Variants in DLGAP2 observed in about 807,000 individuals in gnomAD.
DLGAP2 encodes DLG associated protein 2.
DLGAP2 carries 26 observed loss-of-function variants against 100.3 expected under a neutral mutation model. The ratio of observed to expected loss-of-function variants is 0.26; its 90% CI spans 0.19 to 0.36. The LOEUF is 0.36. Ranked by LOEUF, DLGAP2 falls within the 10% of genes least tolerant of loss-of-function variation. The pLI is 1.00. For synonymous variants in DLGAP2, 886 were observed against 630.1 expected (o/e 1.41, Z -6.08); for missense variants, 1,858 against 1,453.2 (o/e 1.28, Z -4.53).
chr8:901,818 G>A (rs1798257572), intron 1 of DLGAP2, among the ~76,000 whole-genome samples: 1 of 152,234 alleles, frequency 6.6e-6, no homozygotes, highest in African/African-American at 2.4e-5. Flanking sequence ...CATCTCGTAC[G>A]TTGCCAGCCA....
chr8:1,541,280 CTG>C (rs1801353509), intron 4 of DLGAP2, among the ~76,000 whole-genome samples: 1 of 152,148 alleles, frequency 6.6e-6, no homozygotes, highest in Non-Finnish European at 1.5e-5. Flanking sequence ...ATTGAGACCT[CTG>C]TTGGTAGTTT....
At position 1,521,025 on chromosome 8, in the gene DLGAP2, G is replaced by A. The variant is rs559531862; in HGVS notation, c.172+19594G>A. On this transcript the variant is annotated intron_variant, in intron 4 of 14. Coordinates refer to ENST00000637795, the MANE Select transcript of DLGAP2 (RefSeq NM_001346810.2). ...TCCTGGCCGGCGTGTGGTACTGTTG[G>A]GGTCTGGATTCTGGCCGTTCTATTC... Among the ~76,000 whole-genome samples the A allele has an allele frequency of 9.2e-5, 14 of 152,296 alleles. No individual in the cohort carries two copies. The South Asian group carries it at 2.1e-3, about 23-fold the overall frequency.
intron 2 of DLGAP2, among the ~76,000 whole-genome samples, chr8:1,233,880 C>T (rs749011740): frequency 4.9e-4 from 74 of 152,252 alleles, no homozygotes; most frequent in Admixed American, 1.0e-3. Flanking sequence ...ATGATAGTGT[C>T]ACACGGATGT....
At chr8:1,616,659 AG>A (rs1258622734) in intron 6 of DLGAP2, among the ~76,000 whole-genome samples, 1 of 152,250 alleles carries the variant, frequency 6.6e-6, no homozygotes, top group Non-Finnish European at 1.5e-5. Flanking sequence ...TTAAAAAATG[AG>A]AGCAAAATAA....
intron 2 of DLGAP2, among the ~76,000 whole-genome samples, chr8:1,187,969 C>G (rs1253791197): frequency 1.6e-5 from 2 of 122,964 alleles, no homozygotes; most frequent in Non-Finnish European, 3.1e-5. Context: ...CTCACGGAAT[C>G]TCAAACGCCT....
At chr8:1,322,097 G>A (rs1372149013) in intron 3 of DLGAP2, among the ~76,000 whole-genome samples, 4 of 151,950 alleles carry the variant, frequency 2.6e-5, no homozygotes, top group African/African-American at 9.7e-5. Flanking sequence ...GTGAACTAAT[G>A]ATTTAAAAAA....
chr8:1,075,675 G>A (rs542602505), intron 2 of DLGAP2, among the ~76,000 whole-genome samples: 2 of 152,242 alleles, frequency 1.3e-5, no homozygotes, highest in Non-Finnish European at 2.9e-5. Context: ...CAGGTCCTTT[G>A]TGGAAGCAGG....
chr8:1,409,801 C>A (rs551926972), intron 3 of DLGAP2, among the ~76,000 whole-genome samples: 78 of 152,314 alleles, frequency 5.1e-4, no homozygotes, highest in African/African-American at 1.9e-3. Flanking sequence ...TCTTCTCCTG[C>A]CCTCCACCAG....
chr8:1,344,176 G>GTCGTAAGTCCGTGTACTGGGTGCC (rs1801499360), intron 3 of DLGAP2, among the ~76,000 whole-genome samples: 24 of 31,304 alleles, frequency 7.7e-4, no homozygotes, highest in East Asian at 2.9e-3. Flanking sequence ...TACTCGGGGC[G>GTCGTAAGTCCGTGTACTGGGTGCC]CTGTCGTGGG....
chr8:1,368,269 GGTAT>G (rs1054227728), intron 3 of DLGAP2, among the ~76,000 whole-genome samples: 3 of 151,846 alleles, frequency 2.0e-5, no homozygotes, highest in African/African-American at 7.3e-5. Flanking sequence ...CGTGTGTGCA[GGTAT>G]GTGTGTATGT....
At chr8:1,531,576 T>C (rs1221388570) in intron 4 of DLGAP2, among the ~76,000 whole-genome samples, 2 of 152,206 alleles carry the variant, frequency 1.3e-5, no homozygotes, top group Non-Finnish European at 2.9e-5. Flanking sequence ...GTTATTGCAC[T>C]CCAGCCTGGG....
At chr8:1,225,699 T>G (rs1430540732) in intron 2 of DLGAP2, among the ~76,000 whole-genome samples, 1 of 152,222 alleles carries the variant, frequency 6.6e-6, no homozygotes, top group Non-Finnish European at 1.5e-5. Context: ...CTACCAAAAA[T>G]AAGAAGAAAT....
intron 1 of DLGAP2, among the ~76,000 whole-genome samples, chr8:761,072 G>A (rs559915237): frequency 3.3e-5 from 5 of 152,184 alleles, no homozygotes; most frequent in African/African-American, 4.8e-5. Flanking sequence ...GCCGGGCGCC[G>A]TTCTGAACCA....
intron 3 of DLGAP2, among the ~76,000 whole-genome samples, chr8:1,414,047 G>A (rs776085983): frequency 1.3e-5 from 2 of 152,232 alleles, no homozygotes; most frequent in African/African-American, 2.4e-5. Context: ...GACATGCCTA[G>A]GAATTCTGCT....
Position 1,483,497 on chromosome 8 carries a change from GAACGT to G in DLGAP2, c.107-17868_107-17864del, listed in dbSNP as rs1356957484. ...TCCACAGGGCAGGGAGGCAGGCGCA[GAACGT>G]GAGGACAAGGGAAGGCTGAACTGCT... On this transcript the variant is annotated intron_variant, in intron 3 of 14. Coordinates refer to ENST00000637795, the MANE Select transcript of DLGAP2 (RefSeq NM_001346810.2). Among the ~76,000 whole-genome samples the G allele has an allele frequency of 8.1e-4, 117 of 144,994 alleles. 5 individuals are homozygous for G. The highest frequency in any genetic ancestry group is 3.1e-3 in the African/African-American group (112 of 35,680).
chr8:1,531,241 C>CGT (rs58738870), intron 4 of DLGAP2, among the ~76,000 whole-genome samples: 2,692 of 143,316 alleles, frequency 0.019, 39 homozygotes, highest in East Asian at 0.081. Flanking sequence ...AGAGCGTGTG[C>CGT]GTGTGTGTGT....
At chr8:1,029,488 G>A (rs748093330) in intron 2 of DLGAP2, among the ~76,000 whole-genome samples, 1 of 152,164 alleles carries the variant, frequency 6.6e-6, no homozygotes, top group East Asian at 1.9e-4. Flanking sequence ...AGAGGTTCTG[G>A]GGGGATGGCC....
intron 1 of DLGAP2, among the ~76,000 whole-genome samples, chr8:780,278 A>G (rs538391393): frequency 2.6e-5 from 4 of 152,314 alleles, no homozygotes; most frequent in African/African-American, 9.6e-5. Flanking sequence ...TTCACTCAGC[A>G]TAATGTCTTC....
chr8:945,980 A>G (rs1303694629), intron 2 of DLGAP2, among the ~76,000 whole-genome samples: 1 of 152,090 alleles, frequency 6.6e-6, no homozygotes, highest in African/African-American at 2.4e-5. Context: ...AAGTTAGTTG[A>G]TGACTGTGCC....
Sources: gnomAD v4.1 joint callset for allele counts (sites outside exome capture counted in the v4.1 genomes callset) on GRCh38, gnomAD v4.1.1 for gene constraint, MANE v1.5 for transcripts, NCBI Gene and HGNC (gene_info 2026-07-23, HGNC 2026-07-21) for gene names.